The following EPAS1 variants were observed in gnomAD, a reference collection of about 807,000 sequenced individuals.
EPAS1 encodes the protein endothelial PAS domain protein 1, also known as endothelial PAS domain-containing protein 1.
Under a neutral mutation model 87.9 loss-of-function variants are expected in EPAS1, and 23 were observed. That is an observed-to-expected ratio of 0.26 (90% CI 0.19 to 0.37). The LOEUF (loss-of-function observed/expected upper bound fraction) is 0.37, where lower values mean the gene tolerates loss of function less well. Ranked by LOEUF, EPAS1 falls within the 10% of genes least tolerant of loss-of-function variation. The pLI is 1.00. For synonymous variants in EPAS1, 508 were observed against 444.3 expected, an observed-to-expected ratio of 1.14 and a Z score of -1.80; for missense variants, 1,138 against 1,120.7, an observed-to-expected ratio of 1.02 and a Z score of -0.22.
rs576517085 is a variant in EPAS1, at chr2:46,377,667, T to G, written c.1250-227T>G. On this transcript the variant is annotated intron_variant, in intron 9 of 15. Coordinates refer to ENST00000263734, the MANE Select transcript of EPAS1 (RefSeq NM_001430.5). ...CCTAATATATTTAGTCTCTGAAAAT[T>G]AAATGTCCCAGGAGACTGTTCCGTT... Among the ~76,000 whole-genome samples the G allele has an allele frequency of 3.3e-5, 5 of 152,320 alleles. No homozygotes were observed. In the East Asian group the frequency reaches 9.7e-4, roughly 29 times the overall value.
At position 46,375,559 on chromosome 2, in the gene EPAS1, C is replaced by A; in HGVS notation, c.887-131C>A. The A allele has an allele frequency of 1.8e-6, 2 of 1,119,452 alleles. No homozygotes were observed. The highest frequency in any genetic ancestry group is 2.6e-6 in the Non-Finnish European group (2 of 761,094). 69.3% of individuals were successfully genotyped at this position (1,119,452 alleles called of 1,614,324 possible). A position where few individuals can be genotyped will look rare whatever the true frequency, so the allele number is the denominator to read the frequency against. ...TCCCTCCCAGGTCACTCTCCCTGGT[C>A]CTCACTGTCGTGGCGCCCTGTTCTG... On this transcript the variant is annotated intron_variant, in intron 7 of 15. Transcript: ENST00000263734. This position sits in a 1 kb window ranked among gnomAD's most constrained non-coding sequence, Gnocchi z 4.1.
chr2:46,367,912 C>T (rs917055618), intron 6 of EPAS1, among the ~76,000 whole-genome samples: 2 of 151,824 alleles, frequency 1.3e-5, no homozygotes, highest in African/African-American at 2.4e-5. Flanking sequence ...TGTGTGTGTG[C>T]GCGTGCATGT....
rs756121061 is a variant in EPAS1 at position 46,347,040 on chromosome 2, G to A, written c.194G>A (p.Arg65Gln). 6.2e-6 allele frequency: 10 copies of A among 1,614,030 alleles called. No homozygotes were observed. Among genetic ancestry groups the A allele is most frequent in the South Asian group, 5.5e-5 (5 of 91,084 alleles). The part of the protein sequence containing the change: ...SIMRLAISFL[R>Q]THKLLSSVCS... Reference sequence around the variant, plus strand: ...ATGCGACTGGCAATCAGCTTCCTGCGAACACACAAGCTCCTCTCCTCAGGT... The same window carrying A: ...ATGCGACTGGCAATCAGCTTCCTGCAAACACACAAGCTCCTCTCCTCAGGT... Residue 65 changes from arginine (R) to glutamine (Q), a missense_variant, in exon 2 of 16, where the codon CGA becomes CAA. Physicochemically the swap from Arg to Gln is conservative, Grantham distance 43. Coordinates refer to ENST00000263734, the MANE Select transcript of EPAS1 (RefSeq NM_001430.5). The surrounding 1 kb of genome is among the most constrained non-coding windows in gnomAD (Gnocchi z 4.2).
chr2:46,343,125 C>T (rs1258282170), intron 1 of EPAS1, among the ~76,000 whole-genome samples: 2 of 152,160 alleles, frequency 1.3e-5, no homozygotes, highest in African/African-American at 2.4e-5. Flanking sequence ...GATAACATTC[C>T]CCCACCCTCC....
At chr2:46,368,055 T>C (rs184543683) in intron 6 of EPAS1, among the ~76,000 whole-genome samples, 37 of 152,308 alleles carry the variant, frequency 2.4e-4, no homozygotes, top group Middle Eastern at 3.4e-3. Flanking sequence ...AGAAAATCAA[T>C]CTACTGGTCA....
intron 7 of EPAS1, among the ~76,000 whole-genome samples, chr2:46,374,894 G>C (rs1684705045): frequency 6.6e-6 from 1 of 152,146 alleles, no homozygotes; most frequent in Admixed American, 6.5e-5. Flanking sequence ...CAATCTAGAA[G>C]AGGAAAAACC....
chr2:46,308,094 A>T (rs967530364), intron 1 of EPAS1, among the ~76,000 whole-genome samples: 5 of 152,142 alleles, frequency 3.3e-5, no homozygotes, highest in African/African-American at 1.2e-4. Flanking sequence ...CTAATACACA[A>T]GCCTCCTCCC....
At chr2:46,363,192 C>A (rs1213966920) in intron 6 of EPAS1, among the ~76,000 whole-genome samples, 1 of 152,132 alleles carries the variant, frequency 6.6e-6, no homozygotes, top group Non-Finnish European at 1.5e-5. Flanking sequence ...ATGGACAATC[C>A]CACTGCATAG....
At chr2:46,309,658 G>C (rs116119135) in intron 1 of EPAS1, among the ~76,000 whole-genome samples, 1 of 152,182 alleles carries the variant, frequency 6.6e-6, no homozygotes, top group African/African-American at 2.4e-5. Context: ...GGTGAATTGC[G>C]TAAGTAAAAT....
intron 2 of EPAS1, among the ~76,000 whole-genome samples, chr2:46,355,863 C>G (rs1684258471): frequency 6.6e-6 from 1 of 152,206 alleles, no homozygotes; most frequent in Non-Finnish European, 1.5e-5. Flanking sequence ...CTTGGGAAAA[C>G]TTCCACCCTG....
chr2:46,329,549 C>T (rs59214702), intron 1 of EPAS1, among the ~76,000 whole-genome samples: 2 of 152,082 alleles, frequency 1.3e-5, no homozygotes, highest in African/African-American at 2.4e-5. Flanking sequence ...CACGGCCAGG[C>T]GTGGTGGCTC....
chr2:46,301,434 G>A lies in EPAS1; in HGVS notation c.26+3497G>A, dbSNP rs568318625. On this transcript the variant is annotated intron_variant, in intron 1 of 15. Transcript: ENST00000263734. ...TATTAAAAACACAAAAAAATTAGCC[G>A]GGCGTGGTGGTGGGTGCCTGTAATC... is the stretch of plus-strand genomic sequence containing the variant. Among the ~76,000 whole-genome samples the A allele has an allele frequency of 6.2e-4, 95 of 152,120 alleles. No homozygotes were observed. In the Middle Eastern group the frequency reaches 0.01, roughly 16 times the overall value.
chr2:46,374,946 A>G (rs1684706752), intron 7 of EPAS1, among the ~76,000 whole-genome samples: 1 of 152,136 alleles, frequency 6.6e-6, no homozygotes, highest in Non-Finnish European at 1.5e-5. Context: ...GAGAAGGAGT[A>G]TAAGTGATTT....
intron 7 of EPAS1, among the ~76,000 whole-genome samples, chr2:46,370,676 G>C (rs951668509): frequency 6.6e-6 from 1 of 152,214 alleles, no homozygotes; most frequent in Non-Finnish European, 1.5e-5. Context: ...CCGAGGAACT[G>C]AACTTTATAC....
At chr2:46,306,470 T>A (rs1423956376) in intron 1 of EPAS1, among the ~76,000 whole-genome samples, 1 of 152,206 alleles carries the variant, frequency 6.6e-6, no homozygotes, top group Admixed American at 6.5e-5. Context: ...TACAAGGTAA[T>A]GAGCCATGAG....
At chr2:46,381,065 CA>C (rs1185024464) in intron 12 of EPAS1, 103 of 388,810 alleles carry the variant, frequency 2.6e-4, no homozygotes, top group African/African-American at 1.8e-3. Context: ...TTGAAAACAG[CA>C]AAAAGATACC....
At position 46,356,131 on chromosome 2, in the gene EPAS1, CCA is replaced by C. The variant is rs1491497654; in HGVS notation, c.218-18_218-17del. Reference sequence around the variant, plus strand: ...TCACTCCACATTCATGCAAGCTGTCCCACCCCCCCCCCTTTCCAGTTTGCTCT... The same window carrying C: ...TCACTCCACATTCATGCAAGCTGTCCCCCCCCCCCCTTTCCAGTTTGCTCT... On this transcript the variant is annotated intron_variant, in intron 2 of 15. Transcript: ENST00000263734. The C allele has an allele frequency of 1.6e-6, 2 of 1,258,238 alleles. No individual in the cohort carries two copies. The highest frequency in any genetic ancestry group is 2.2e-6 in the Non-Finnish European group (2 of 902,590). The allele number at this position is 1,258,238 out of a possible 1,614,324, so 77.9% of individuals were successfully genotyped here. A position where few individuals can be genotyped will look rare whatever the true frequency, so the allele number is the denominator to read the frequency against.
At chr2:46,367,826 T>C (rs775109378) in intron 6 of EPAS1, among the ~76,000 whole-genome samples, 12 of 152,146 alleles carry the variant, frequency 7.9e-5, no homozygotes, top group Non-Finnish European at 8.8e-5. Context: ...ACTTGCCTCT[T>C]CTCTGCCCAC....
At chr2:46,312,420 T>C (rs1287228683) in intron 1 of EPAS1, among the ~76,000 whole-genome samples, 1 of 152,258 alleles carries the variant, frequency 6.6e-6, no homozygotes, top group Non-Finnish European at 1.5e-5. Context: ...AGTACTATTA[T>C]GAGTTTGAAA....
Sources: gnomAD v4.1 joint callset for allele counts (sites outside exome capture counted in the v4.1 genomes callset) on GRCh38, gnomAD v4.1.1 for gene constraint, Gnocchi (gnomAD v3.1) non-coding constraint, MANE v1.5 for transcripts, NCBI Gene and HGNC (gene_info 2026-07-23, HGNC 2026-07-21) for gene names.